AFF1: variants seen among roughly 807,000 people sequenced by gnomAD.
The protein encoded by AFF1 is AF4/FMR2 family member 1.
Under a neutral mutation model 121.7 loss-of-function variants are expected in AFF1, and 48 were observed. The observed-to-expected ratio is 0.39, with a 90% confidence interval of 0.31 to 0.50. The LOEUF (loss-of-function observed/expected upper bound fraction) is 0.50. Ranked by LOEUF, AFF1 falls within the 20% of genes least tolerant of loss-of-function variation. The pLI is 0.76. For synonymous variants in AFF1, 613 were observed against 563.0 expected (o/e 1.09, Z -1.26); for missense variants, 1,523 against 1,511.7 (o/e 1.01, Z -0.12).
In AFF1 at chr4:86,948,513, A is replaced by C. The variant is rs1313981230; in HGVS notation, c.-21A>C. On this transcript the variant is annotated 5_prime_UTR_variant, in exon 2 of 21. Coordinates refer to ENST00000395146, the MANE Select transcript of AFF1 (RefSeq NM_001166693.3). ...TCTCTTTCAGATGAACAGACTAGCC[A>C]CTTTGCATTGACTGGAAACAATGGC... is the stretch of plus-strand genomic sequence containing the variant. The C allele has an allele frequency of 1.3e-6, 2 of 1,536,630 alleles. No homozygotes were observed. Among genetic ancestry groups the C allele is most frequent in the East Asian group, 4.9e-5 (2 of 40,868 alleles).
intron 2 of AFF1, among the ~76,000 whole-genome samples, chr4:86,978,661 C>G (rs1205994819): frequency 1.3e-5 from 2 of 152,014 alleles, no homozygotes; most frequent in Non-Finnish European, 2.9e-5. Flanking sequence ...GATTTTAATC[C>G]TGAGTAGAAA....
intron 8 of AFF1, among the ~76,000 whole-genome samples, chr4:87,101,419 C>A (rs569345081): frequency 2.8e-4 from 43 of 152,094 alleles, no homozygotes; most frequent in Non-Finnish European, 5.6e-4. Flanking sequence ...CAAAAGATTT[C>A]TTTAAAAAAT....
At chr4:87,126,895 G>T in intron 14 of AFF1, 131 bp from the exon 15 acceptor site, 1 of 750,864 alleles carries the variant, frequency 1.3e-6, no homozygotes. Flanking sequence ...GTTTAGCCAG[G>T]GTAGATTGTG....
intron 4 of AFF1, among the ~76,000 whole-genome samples, chr4:87,072,191 G>A (rs562087134): frequency 7.2e-5 from 11 of 151,996 alleles, no homozygotes; most frequent in Non-Finnish European, 1.6e-4. Context: ...GTGAAGACCC[G>A]TCTCTACTAA....
At chr4:87,115,625 T>TTTTTTTC (rs397994396) in intron 12 of AFF1, among the ~76,000 whole-genome samples, 5 of 102,970 alleles carry the variant, frequency 4.9e-5, no homozygotes, top group Admixed American at 1.4e-4. Context: ...TTTTTTTTTT[T>TTTTTTTC]CCAAAGACAG....
chr4:87,069,036 A>G (rs1721680589), intron 4 of AFF1, among the ~76,000 whole-genome samples: 1 of 152,130 alleles, frequency 6.6e-6, no homozygotes, highest in Non-Finnish European at 1.5e-5. Flanking sequence ...TGAGGCCACA[A>G]GAGAAAGTTG....
chr4:86,985,002 T>C (rs1448117046), intron 2 of AFF1, among the ~76,000 whole-genome samples: 2 of 151,236 alleles, frequency 1.3e-5, no homozygotes, highest in Non-Finnish European at 2.9e-5. Flanking sequence ...ATTATTGTAC[T>C]TGTTAAGAAA....
chr4:86,962,233 G>A (rs557432517), intron 2 of AFF1, among the ~76,000 whole-genome samples: 1 of 149,420 alleles, frequency 6.7e-6, no homozygotes, highest in African/African-American at 2.5e-5. Context: ...GGCTCACTGG[G>A]ACCCTGCCAC....
At chr4:86,995,642 G>A (rs1288928520) in intron 2 of AFF1, among the ~76,000 whole-genome samples, 1 of 150,896 alleles carries the variant, frequency 6.6e-6, no homozygotes, top group Non-Finnish European at 1.5e-5. Context: ...GGAGTGCAGT[G>A]GTGTGATCTC....
intron 2 of AFF1, among the ~76,000 whole-genome samples, chr4:86,999,931 G>C (rs892879798): frequency 6.6e-6 from 1 of 152,104 alleles, no homozygotes; most frequent in Non-Finnish European, 1.5e-5. Flanking sequence ...GAAAATAGAT[G>C]ATGAGCCTGG....
intron 20 of AFF1, 82 bp downstream of exon 20, chr4:87,134,776 A>T: frequency 8.3e-7 from 1 of 1,203,074 alleles, no homozygotes; most frequent in Non-Finnish European, 1.2e-6. Context: ...TTATAAGTTC[A>T]GTTTCTTGGA....
intron 2 of AFF1, among the ~76,000 whole-genome samples, chr4:87,044,037 C>T (rs530059300): frequency 2.6e-5 from 4 of 152,118 alleles, no homozygotes; most frequent in Admixed American, 6.5e-5. Context: ...AGGATGGTCT[C>T]GATCTCTTGA....
chr4:87,055,573 C>A (rs748777249), intron 4 of AFF1, among the ~76,000 whole-genome samples: 2 of 152,136 alleles, frequency 1.3e-5, no homozygotes, highest in African/African-American at 4.8e-5. Context: ...TTTGAATCTT[C>A]CCAGACTGCA....
intron 12 of AFF1, among the ~76,000 whole-genome samples, chr4:87,124,207 T>C (rs1727994961): frequency 6.6e-6 from 1 of 152,262 alleles, no homozygotes; most frequent in Non-Finnish European, 1.5e-5. Context: ...ATGGATGCTT[T>C]GAAGGTACTT....
At chr4:87,115,385 GC>G in intron 12 of AFF1, 86 bp downstream of exon 12, 2 of 1,309,824 alleles carry the variant, frequency 1.5e-6, no homozygotes, top group South Asian at 1.5e-5. Context: ...TTTGATTTAG[GC>G]CCAGTTGAGT....
intron 2 of AFF1, among the ~76,000 whole-genome samples, chr4:86,990,321 TA>T (rs5860049): frequency 0.32 from 41,632 of 132,132 alleles, 7,184 homozygotes; most frequent in African/African-American, 0.5. Context: ...TGTCCCTATT[TA>T]AAAAAAAAAA....
intron 4 of AFF1, among the ~76,000 whole-genome samples, chr4:87,065,051 G>A (rs10018897): frequency 0.83 from 125,412 of 151,940 alleles, 52,068 homozygotes; most frequent in African/African-American, 0.92. Context: ...ATAATATAGT[G>A]TGGGGACACC....
intron 7 of AFF1, among the ~76,000 whole-genome samples, chr4:87,093,474 A>T (rs951700476): frequency 6.6e-6 from 1 of 152,190 alleles, no homozygotes; most frequent in African/African-American, 2.4e-5. Flanking sequence ...ACTTGATCTT[A>T]TGGTACTGGT....
At chr4:87,121,329 G>C (rs1363898461) in intron 12 of AFF1, among the ~76,000 whole-genome samples, 1 of 152,106 alleles carries the variant, frequency 6.6e-6, no homozygotes, top group South Asian at 2.1e-4. Context: ...CCTGTTTTAC[G>C]GCAGGTCTTG....
Sources: allele counts gnomAD v4.1 joint callset (sites outside exome capture counted in the v4.1 genomes callset), GRCh38; gene constraint gnomAD v4.1.1; transcripts MANE v1.5; gene names NCBI Gene and HGNC (gene_info 2026-07-23, HGNC 2026-07-21).